The following COL26A1 variants were observed in gnomAD, a reference collection of about 807,000 sequenced individuals.
COL26A1 encodes collagen alpha-1(XXVI) chain.
In COL26A1, 41 loss-of-function variants were observed where a neutral mutation model predicts 59.3. That is an observed-to-expected ratio of 0.69 (90% CI 0.54 to 0.90). COL26A1 has a LOEUF of 0.90. Among genes scored for constraint, COL26A1 ranks in the 40% least tolerant of loss-of-function variants. The pLI is 0.00. For synonymous variants in COL26A1, 266 were observed against 256.0 expected, an observed-to-expected ratio of 1.04 and a Z score of -0.37; for missense variants, 612 against 602.3, an observed-to-expected ratio of 1.02 and a Z score of -0.17.
chr7:101,450,725 GAATT>G (rs1019126875), intron 3 of COL26A1, among the ~76,000 whole-genome samples: 3 of 140,124 alleles, frequency 2.1e-5, no homozygotes, highest in African/African-American at 5.3e-5. Context: ...TAGAATTATT[GAATT>G]ATTTATATTC....
At chr7:101,445,448 G>T (rs1584413450) in intron 2 of COL26A1, among the ~76,000 whole-genome samples, 1 of 151,860 alleles carries the variant, frequency 6.6e-6, no homozygotes, top group South Asian at 2.1e-4. Flanking sequence ...AGAGAGTGAG[G>T]GGGCCGGGCG....
chr7:101,447,867 C>T (rs1269758373), intron 3 of COL26A1, 80 bp downstream of exon 3: 14 of 837,366 alleles, frequency 1.7e-5, no homozygotes, highest in Non-Finnish European at 2.6e-5. Flanking sequence ...CCTCCTCCTG[C>T]AAGCAGCTTT....
At chr7:101,514,418 A>C (rs1217480442) in intron 3 of COL26A1, among the ~76,000 whole-genome samples, 1 of 152,204 alleles carries the variant, frequency 6.6e-6, no homozygotes, top group Non-Finnish European at 1.5e-5. Flanking sequence ...AGATTGGCAG[A>C]GCTGCTGAGG....
intron 3 of COL26A1, among the ~76,000 whole-genome samples, chr7:101,492,109 C>A (rs186308486): frequency 2.6e-4 from 40 of 152,214 alleles, no homozygotes; most frequent in African/African-American, 8.9e-4. Context: ...GAGGAAGCCG[C>A]TGGTAAGCCT....
At chr7:101,421,868 G>C (rs1455205132) in intron 2 of COL26A1, among the ~76,000 whole-genome samples, 1 of 152,096 alleles carries the variant, frequency 6.6e-6, no homozygotes, top group Non-Finnish European at 1.5e-5. Context: ...TATGGTGTTT[G>C]CCAAATGGTG....
intron 3 of COL26A1, among the ~76,000 whole-genome samples, chr7:101,475,356 G>T (rs1025399952): frequency 6.6e-6 from 1 of 152,066 alleles, no homozygotes; most frequent in Non-Finnish European, 1.5e-5. Flanking sequence ...CTACTTTAGA[G>T]GAAAGTCAGA....
At chr7:101,471,303 A>C (rs1365703381) in intron 3 of COL26A1, among the ~76,000 whole-genome samples, 1 of 152,150 alleles carries the variant, frequency 6.6e-6, no homozygotes, top group East Asian at 1.9e-4. Flanking sequence ...GCTGATGTGG[A>C]GCCACATCAC....
chr7:101,548,045 G>A (rs765492608), intron 8 of COL26A1, among the ~76,000 whole-genome samples: 5 of 152,212 alleles, frequency 3.3e-5, no homozygotes, highest in Admixed American at 1.3e-4. Flanking sequence ...AAGCTGGGGC[G>A]TGGCGGGGAG....
chr7:101,384,591 G>A (rs981147578), intron 1 of COL26A1, among the ~76,000 whole-genome samples: 7 of 152,158 alleles, frequency 4.6e-5, no homozygotes, highest in African/African-American at 1.2e-4. Context: ...AGTGTGTTGG[G>A]ATTACAGGCA....
chr7:101,483,852 G>A (rs543580343), intron 3 of COL26A1, among the ~76,000 whole-genome samples: 3 of 151,540 alleles, frequency 2.0e-5, no homozygotes, highest in Non-Finnish European at 4.4e-5. Context: ...ATTTTTGTAT[G>A]TTTAGTAGAG....
At chr7:101,459,263 G>A (rs1793550610) in intron 3 of COL26A1, among the ~76,000 whole-genome samples, 1 of 152,044 alleles carries the variant, frequency 6.6e-6, no homozygotes, top group Admixed American at 6.6e-5. Context: ...AATTCCTAAG[G>A]TGGCCTTGTC....
intron 3 of COL26A1, among the ~76,000 whole-genome samples, chr7:101,496,710 A>C (rs118015402): frequency 0.022 from 3,414 of 152,128 alleles, 62 homozygotes; most frequent in Non-Finnish European, 0.036. Flanking sequence ...ACATGGCAAA[A>C]ACCCATCTCT....
At chr7:101,406,903 T>G (rs1363259677) in intron 1 of COL26A1, among the ~76,000 whole-genome samples, 2 of 152,112 alleles carry the variant, frequency 1.3e-5, no homozygotes, top group Non-Finnish European at 2.9e-5. Context: ...TGAGCTAGAA[T>G]TGCATCACTG....
At chr7:101,488,377 T>TATATATATATAC (rs1396620345) in intron 3 of COL26A1, among the ~76,000 whole-genome samples, 9 of 45,902 alleles carry the variant, frequency 2.0e-4, no homozygotes, top group African/African-American at 7.9e-4. Context: ...TATATATATA[T>TATATATATATAC]ACACACACAT....
In COL26A1 at chr7:101,540,034, C is replaced by T. The variant is rs777073302; in HGVS notation, c.589C>T (p.Pro197Ser). The T allele has an allele frequency of 6.2e-7, 1 of 1,612,360 alleles. No homozygotes were observed. The highest frequency in any genetic ancestry group is 1.3e-5 in the African/African-American group (1 of 74,858). The change falls in exon 5 of 13, where the codon CCC becomes TCC. Residue 197 changes from proline (P) to serine (S), a missense_variant. Physicochemically the swap from Pro to Ser is moderately conservative, Grantham distance 74 (BLOSUM62 -1). Coordinates refer to ENST00000313669, the MANE Select transcript of COL26A1 (RefSeq NM_001278563.3). The stretch of plus-strand genomic sequence containing the variant: ...TCACCCTGTGCCACGACAGAGAAGG[C>T]CCACGGGCCCAGCCGGTGAGTGAGG... ...LAHPVPRQRRPTGPAGPPGQT... is the reference protein window; with the variant it reads ...LAHPVPRQRRSTGPAGPPGQT...
At chr7:101,448,702 AG>A (rs1793259349) in intron 3 of COL26A1, among the ~76,000 whole-genome samples, 4 of 151,988 alleles carry the variant, frequency 2.6e-5, no homozygotes, top group Admixed American at 2.6e-4. Flanking sequence ...ATTGTTGCTC[AG>A]GCTGTCTCGA....
At chr7:101,378,840 T>C (rs1218192582) in intron 1 of COL26A1, among the ~76,000 whole-genome samples, 2 of 152,052 alleles carry the variant, frequency 1.3e-5, no homozygotes, top group Non-Finnish European at 2.9e-5. Context: ...TGTCCCCTGC[T>C]TGGAGTCTTT....
intron 2 of COL26A1, among the ~76,000 whole-genome samples, chr7:101,421,128 G>A (rs1792509381): frequency 6.6e-6 from 1 of 152,130 alleles, no homozygotes; most frequent in Non-Finnish European, 1.5e-5. Context: ...AGGGAGAGTG[G>A]GAGAGAGATT....
chr7:101,538,647 C>T (rs972917544), intron 4 of COL26A1, among the ~76,000 whole-genome samples: 5 of 152,152 alleles, frequency 3.3e-5, no homozygotes, highest in African/African-American at 9.7e-5. Context: ...AGGGGGAGCC[C>T]GTTCTGCAGC....
Sources: allele counts gnomAD v4.1 joint callset (sites outside exome capture counted in the v4.1 genomes callset), GRCh38; gene constraint gnomAD v4.1.1; transcripts MANE v1.5; gene names NCBI Gene and HGNC (gene_info 2026-07-23, HGNC 2026-07-21).